The following MRTFB variants were observed in gnomAD, a reference collection of about 807,000 sequenced individuals.
The protein encoded by MRTFB is myocardin-related transcription factor B.
MRTFB carries 29 observed loss-of-function variants against 104.2 expected under a neutral mutation model. The observed-to-expected ratio is 0.28, with a 90% CI of 0.21 to 0.38. The LOEUF (loss-of-function observed/expected upper bound fraction) is 0.38, where lower values mean the gene tolerates loss of function less well. MRTFB is among the 10% of genes least tolerant of loss of function. MRTFB has a pLI of 1.00. For synonymous variants in MRTFB, 535 were observed against 519.5 expected (o/e 1.03, Z -0.41); for missense variants, 1,270 against 1,341.6 (o/e 0.95, Z 0.83).
At chr16:14,213,517 T>C in intron 5 of MRTFB, 28 bp from the exon 6 acceptor site, 4 of 1,484,432 alleles carry the variant, frequency 2.7e-6, no homozygotes, top group Non-Finnish European at 3.7e-6. Flanking sequence ...ATAAATGATT[T>C]ATGGTAAGAC....
chr16:14,085,282 CCT>C (rs1046925904), intron 2 of MRTFB, among the ~76,000 whole-genome samples: 7 of 151,580 alleles, frequency 4.6e-5, no homozygotes, highest in African/African-American at 1.7e-4. Flanking sequence ...ATGGTGGAAC[CCT>C]GTCTCTACTA....
chr16:14,128,830 A>G (rs1470753915), intron 2 of MRTFB, among the ~76,000 whole-genome samples: 1 of 152,198 alleles, frequency 6.6e-6, no homozygotes, highest in Non-Finnish European at 1.5e-5. Context: ...GTGTGTCATC[A>G]AATTCACCAT....
chr16:14,163,113 T>G (rs1296306603), intron 3 of MRTFB, among the ~76,000 whole-genome samples: 1 of 152,212 alleles, frequency 6.6e-6, no homozygotes, highest in Non-Finnish European at 1.5e-5. Context: ...ACAAATCTAT[T>G]AAGGTCAAGA....
the MRTFB span, among the ~76,000 whole-genome samples, chr16:14,048,978 G>A: frequency 2.0e-5 from 3 of 152,184 alleles, no homozygotes; most frequent in Non-Finnish European, 4.4e-5. Context: ...CACTCTTATG[G>A]TTTTTGACTA....
At chr16:14,122,562 G>A (rs2036905874) in intron 2 of MRTFB, among the ~76,000 whole-genome samples, 2 of 152,142 alleles carry the variant, frequency 1.3e-5, no homozygotes, top group South Asian at 4.1e-4. Flanking sequence ...ATGTTAGTTT[G>A]CTGAGAGTGA....
chr16:14,258,052 T>G (rs1295417680), intron 15 of MRTFB, 49 bp from the exon 16 acceptor site: 1 of 1,493,106 alleles, frequency 6.7e-7, no homozygotes, highest in Admixed American at 1.7e-5. Flanking sequence ...TATATAATGC[T>G]TCCAGGTTTG....
chr16:14,236,280 G>A (rs756278912), intron 9 of MRTFB, among the ~76,000 whole-genome samples: 70 of 152,186 alleles, frequency 4.6e-4, no homozygotes, highest in Non-Finnish European at 9.0e-4. Flanking sequence ...GGAATAAGTG[G>A]GGGAAAGTGT....
At chr16:14,207,422 C>T (rs556152182) in intron 3 of MRTFB, among the ~76,000 whole-genome samples, 1 of 152,308 alleles carries the variant, frequency 6.6e-6, no homozygotes, top group South Asian at 2.1e-4. Context: ...TCTTGGGTTT[C>T]TGGCACAGAA....
chr16:14,243,153 C>T (rs1243094533), intron 10 of MRTFB, among the ~76,000 whole-genome samples: 1 of 152,154 alleles, frequency 6.6e-6, no homozygotes. Flanking sequence ...TGAGATTTTA[C>T]AGTTGAATTT....
intron 3 of MRTFB, among the ~76,000 whole-genome samples, chr16:14,158,989 A>AC (rs1353591898): frequency 1.1e-3 from 172 of 151,058 alleles, no homozygotes; most frequent in African/African-American, 3.4e-3. Flanking sequence ...AAAAAAAAAA[A>AC]AAAAACTTAG....
chr16:14,064,210 C>T, the MRTFB span, among the ~76,000 whole-genome samples: 1 of 152,134 alleles, frequency 6.6e-6, no homozygotes. Context: ...TTTTGATTCG[C>T]ATTTTTCTGA....
At chr16:14,043,206 T>C in the MRTFB span, among the ~76,000 whole-genome samples, 3 of 152,202 alleles carry the variant, frequency 2.0e-5, no homozygotes, top group African/African-American at 7.2e-5. Context: ...GTCTACATCT[T>C]ATGTCTGCTC....
chr16:14,018,384 A>G, the MRTFB span, among the ~76,000 whole-genome samples: 1 of 152,240 alleles, frequency 6.6e-6, no homozygotes, highest in East Asian at 1.9e-4. Context: ...CTTGGCATAT[A>G]TTAAATACAC....
chr16:14,139,552 C>T (rs185335565), intron 2 of MRTFB, among the ~76,000 whole-genome samples: 4 of 152,356 alleles, frequency 2.6e-5, no homozygotes, highest in African/African-American at 9.6e-5. Flanking sequence ...CATTTCACTC[C>T]TGTACAAGTA....
At chr16:13,996,831 C>G in the MRTFB span, among the ~76,000 whole-genome samples, 1 of 152,148 alleles carries the variant, frequency 6.6e-6, no homozygotes, top group Non-Finnish European at 1.5e-5. Flanking sequence ...ACCGACGGCT[C>G]TCTGTAGAAG....
At chr16:14,213,834 C>G (rs991178861) in intron 6 of MRTFB, among the ~76,000 whole-genome samples, 1 of 152,170 alleles carries the variant, frequency 6.6e-6, no homozygotes, top group African/African-American at 2.4e-5. Context: ...ACTAACACTT[C>G]CACACCAGCT....
chr16:14,030,638 AGGCAG>A, the MRTFB span, among the ~76,000 whole-genome samples: 4 of 152,188 alleles, frequency 2.6e-5, no homozygotes, highest in African/African-American at 9.7e-5. Context: ...CTGCCTTTCA[AGGCAG>A]GTGCTAGTTC....
the MRTFB span, among the ~76,000 whole-genome samples, chr16:14,011,670 G>A: frequency 6.6e-6 from 1 of 152,178 alleles, no homozygotes; most frequent in Non-Finnish European, 1.5e-5. Context: ...CAGATCACTT[G>A]AGGTCAGCCT....
intron 10 of MRTFB, chr16:14,240,963 G>T: frequency 1.8e-6 from 1 of 555,570 alleles, no homozygotes; most frequent in Admixed American, 3.5e-5. Context: ...TACAGAGGAA[G>T]GAATAGAGTA....
Sources: allele counts gnomAD v4.1 joint callset (sites outside exome capture counted in the v4.1 genomes callset), GRCh38; gene constraint gnomAD v4.1.1; transcripts MANE v1.5; gene names NCBI Gene and HGNC (gene_info 2026-07-23, HGNC 2026-07-21).